Variants in CLIC5 observed in about 807,000 individuals in gnomAD.
CLIC5 encodes the protein chloride intracellular channel protein 5.
In CLIC5, 20 loss-of-function variants were observed where a neutral mutation model predicts 24.7. The ratio of observed to expected loss-of-function variants is 0.81; its 90% CI spans 0.57 to 1.18. The LOEUF (loss-of-function observed/expected upper bound fraction) is 1.18, where lower values mean the gene tolerates loss of function less well. CLIC5 is among the 50% of genes most tolerant of loss of function. The pLI, the probability that CLIC5 is intolerant of heterozygous loss-of-function variation, is 0.00. For missense variants in CLIC5, 341 were observed against 326.1 expected (o/e 1.05, Z -0.35); for synonymous variants, 159 against 135.6 (o/e 1.17, Z -1.20).
At chr6:46,104,179 A>C in the CLIC5 span, among the ~76,000 whole-genome samples, 1 of 152,090 alleles carries the variant, frequency 6.6e-6, no homozygotes, top group Admixed American at 6.6e-5. Flanking sequence ...TTCCAGAAAT[A>C]ATATTTTCCT....
chr6:45,905,119 T>C (rs907985171), intron 5 of CLIC5, among the ~76,000 whole-genome samples: 1 of 152,226 alleles, frequency 6.6e-6, no homozygotes, highest in Non-Finnish European at 1.5e-5. Context: ...GTTTATTCAG[T>C]ACACTGTTGA....
At chr6:45,958,042 C>G (rs6922752) in intron 1 of CLIC5, among the ~76,000 whole-genome samples, 127,904 of 152,048 alleles carry the variant, frequency 0.84, 54,415 homozygotes, top group Non-Finnish European at 0.9. Context: ...GGAATGTGTG[C>G]ATGGGACCTT....
At chr6:46,095,933 G>C in the CLIC5 span, among the ~76,000 whole-genome samples, 2 of 152,050 alleles carry the variant, frequency 1.3e-5, no homozygotes, top group African/African-American at 4.8e-5. Flanking sequence ...GTATTAGTCT[G>C]TTCTTGTACT....
At chr6:45,922,444 T>G (rs1454298854) in intron 4 of CLIC5, among the ~76,000 whole-genome samples, 2 of 152,226 alleles carry the variant, frequency 1.3e-5, no homozygotes, top group East Asian at 3.9e-4. Flanking sequence ...AGAAGCATCT[T>G]TTTATTTAAT....
intron 1 of CLIC5, among the ~76,000 whole-genome samples, chr6:46,021,834 G>A (rs1416090934): frequency 1.3e-5 from 2 of 152,220 alleles, no homozygotes; most frequent in African/African-American, 2.4e-5. Flanking sequence ...GAACTACTTT[G>A]CATCCTGTTT....
At chr6:46,058,164 T>A (rs573895360) in intron 1 of CLIC5, among the ~76,000 whole-genome samples, 1 of 152,294 alleles carries the variant, frequency 6.6e-6, no homozygotes, top group East Asian at 1.9e-4. Flanking sequence ...TTTTTATCAT[T>A]TCAATACCTA....
At chr6:46,087,951 T>C in the CLIC5 span, among the ~76,000 whole-genome samples, 2 of 152,196 alleles carry the variant, frequency 1.3e-5, no homozygotes, top group African/African-American at 2.4e-5. Context: ...GAAATGTGCT[T>C]TCTGCTATGG....
downstream of CLIC5, among the ~76,000 whole-genome samples, chr6:45,895,644 A>C (rs983467351): frequency 7.9e-5 from 12 of 152,204 alleles, no homozygotes. Flanking sequence ...AATACTTTTG[A>C]GCATCTAATA....
Position 46,047,928 on chromosome 6 carries a change from A to G in CLIC5, c.540+31775T>C, listed in dbSNP as rs545637064. Among the ~76,000 whole-genome samples the G allele has an allele frequency of 2.6e-5, 4 of 152,256 alleles. No individual in the cohort carries two copies. In the East Asian group the frequency reaches 5.8e-4, roughly 22 times the overall value. On this transcript the variant is annotated intron_variant, in intron 1 of 5. Transcript: ENST00000185206. Reference sequence around the variant, plus strand: ...TGGGATTTTTTGATATCTGTGGTATATAATAGTTTTCTAAAAGTCTGCAAA... The same window carrying G: ...TGGGATTTTTTGATATCTGTGGTATGTAATAGTTTTCTAAAAGTCTGCAAA...
At chr6:46,094,591 G>A in the CLIC5 span, among the ~76,000 whole-genome samples, 1 of 152,160 alleles carries the variant, frequency 6.6e-6, no homozygotes, top group East Asian at 1.9e-4. Context: ...AATCTTCTTT[G>A]ACTTCATTTC....
intron 1 of CLIC5, among the ~76,000 whole-genome samples, chr6:45,964,787 A>G (rs1257670061): frequency 1.3e-5 from 2 of 152,214 alleles, no homozygotes; most frequent in East Asian, 1.9e-4. Flanking sequence ...TTTGAGCAAA[A>G]TAAATGTTGT....
intron 1 of CLIC5, among the ~76,000 whole-genome samples, chr6:46,068,945 A>G (rs912655760): frequency 6.6e-6 from 1 of 152,168 alleles, no homozygotes; most frequent in African/African-American, 2.4e-5. Flanking sequence ...AGTCCTGGCA[A>G]ACTAATACAT....
At chr6:46,080,157 T>C (rs1762887746) in exon 1 of CLIC5, 2 of 1,551,566 alleles carry the variant, frequency 1.3e-6, no homozygotes, top group South Asian at 1.2e-5. Flanking sequence ...ATGGGGACTT[T>C]CATTTTCTTC....
intron 6 of CLIC5, among the ~76,000 whole-genome samples, chr6:45,893,102 G>A (rs1472680787): frequency 6.6e-6 from 1 of 152,040 alleles, no homozygotes; most frequent in South Asian, 2.1e-4. Flanking sequence ...CCCTGTTGTT[G>A]TCTTTATTAT....
chr6:46,059,077 G>A (rs999282312), intron 1 of CLIC5, among the ~76,000 whole-genome samples: 3 of 152,196 alleles, frequency 2.0e-5, no homozygotes, highest in African/African-American at 7.2e-5. Context: ...AGCTTGGTTG[G>A]TGTCTACCCC....
At chr6:46,047,844 C>T (rs35435198) in intron 1 of CLIC5, among the ~76,000 whole-genome samples, 2 of 151,318 alleles carry the variant, frequency 1.3e-5, no homozygotes, top group African/African-American at 2.4e-5. Flanking sequence ...TCAAAAAAAA[C>T]AGAAAAAACA....
intron 6 of CLIC5, among the ~76,000 whole-genome samples, chr6:45,884,453 G>T (rs73456737): frequency 6.6e-6 from 1 of 152,142 alleles, no homozygotes; most frequent in East Asian, 1.9e-4. Flanking sequence ...TTGGAAGAAG[G>T]GGGCAGCGGA....
chr6:45,950,061 C>T (rs943338981), intron 2 of CLIC5, among the ~76,000 whole-genome samples: 2 of 152,142 alleles, frequency 1.3e-5, no homozygotes, highest in Non-Finnish European at 2.9e-5. Context: ...TTTCAAAAGT[C>T]TTCTTATTGC....
chr6:46,089,879 T>G, the CLIC5 span, among the ~76,000 whole-genome samples: 5 of 152,358 alleles, frequency 3.3e-5, no homozygotes, highest in African/African-American at 7.2e-5. Flanking sequence ...ACGACGCTGA[T>G]AGTTACTCTA....
Sources: gnomAD v4.1 joint callset for allele counts (sites outside exome capture counted in the v4.1 genomes callset) on GRCh38, gnomAD v4.1.1 for gene constraint, MANE v1.5 for transcripts, NCBI Gene and HGNC (gene_info 2026-07-23, HGNC 2026-07-21) for gene names.